Variants in KIAA1328 observed in about 807,000 individuals in gnomAD.
KIAA1328 encodes KIAA1328.
A neutral mutation model predicts 68.1 loss-of-function variants in KIAA1328; 52 were observed. That is an observed-to-expected ratio of 0.76 (90% CI 0.61 to 0.96). The LOEUF is 0.96. Ranked by LOEUF, KIAA1328 falls within the 40% of genes least tolerant of loss-of-function variation. The pLI, the probability that KIAA1328 is intolerant of heterozygous loss-of-function variation, is 0.00. For missense variants in KIAA1328, 641 were observed against 677.6 expected, an observed-to-expected ratio of 0.95 and a Z score of 0.60; for synonymous variants, 232 against 239.4, an observed-to-expected ratio of 0.97 and a Z score of 0.28.
intron 6 of KIAA1328, among the ~76,000 whole-genome samples, chr18:37,021,203 A>G (rs1389747736): frequency 1.3e-5 from 2 of 152,198 alleles, no homozygotes; most frequent in Non-Finnish European, 2.9e-5. Flanking sequence ...ATTTTTCATT[A>G]TGTTTTATGA....
At chr18:37,148,543 AC>A (rs1465394654) in intron 7 of KIAA1328, among the ~76,000 whole-genome samples, 1 of 152,210 alleles carries the variant, frequency 6.6e-6, no homozygotes, top group African/African-American at 2.4e-5. Flanking sequence ...AGGAATCGCC[AC>A]ACTGTCTTCC....
intron 6 of KIAA1328, among the ~76,000 whole-genome samples, chr18:36,975,103 A>C (rs2052407502): frequency 6.6e-6 from 1 of 151,740 alleles, no homozygotes; most frequent in African/African-American, 2.4e-5. Flanking sequence ...TATTATGTTG[A>C]TATCAGTCAC....
intron 8 of KIAA1328, among the ~76,000 whole-genome samples, chr18:37,169,577 A>C (rs192130681): frequency 5.4e-4 from 82 of 152,274 alleles, no homozygotes; most frequent in African/African-American, 1.9e-3. Context: ...ATGAATATGC[A>C]TAACTGTAAT....
chr18:37,091,061 A>G (rs2057253665), intron 7 of KIAA1328, among the ~76,000 whole-genome samples: 2 of 152,184 alleles, frequency 1.3e-5, no homozygotes, highest in African/African-American at 4.8e-5. Flanking sequence ...TAAATAGGCA[A>G]CTCTCAGAAA....
chr18:36,925,379 T>C (rs1159174891), intron 5 of KIAA1328, among the ~76,000 whole-genome samples: 1 of 152,116 alleles, frequency 6.6e-6, no homozygotes, highest in Non-Finnish European at 1.5e-5. Flanking sequence ...AGAATATTGG[T>C]GTTTTGTAGA....
rs1599504304 is a variant in KIAA1328, at chr18:37,173,178, T to C, written c.1523+97T>C. On this transcript the variant is annotated intron_variant, in intron 9 of 9. Transcript: ENST00000280020. ...GGAAGGGAAAAATCTTGACAACTCT[T>C]AGTAATTCTTTCTCAAGAGAGGTCC... The C allele has an allele frequency of 5.7e-6, 5 of 873,214 alleles. No individual in the cohort carries two copies. In the East Asian group the frequency reaches 1.3e-4, roughly 23 times the overall value. The allele number at this position is 873,214 out of a possible 1,614,324, so 54.1% of individuals were successfully genotyped here. A position where few individuals can be genotyped will look rare whatever the true frequency, so the allele number is the denominator to read the frequency against.
At chr18:36,971,173 C>G (rs982073262) in intron 6 of KIAA1328, among the ~76,000 whole-genome samples, 1 of 152,154 alleles carries the variant, frequency 6.6e-6, no homozygotes, top group Non-Finnish European at 1.5e-5. Flanking sequence ...TGATCTTTGA[C>G]AAACCTGACA....
At chr18:36,963,235 G>C (rs1449977541) in intron 6 of KIAA1328, among the ~76,000 whole-genome samples, 1 of 152,286 alleles carries the variant, frequency 6.6e-6, no homozygotes, top group Admixed American at 6.5e-5. Context: ...TTTTAAGGTG[G>C]CTCTTGCCTA....
intron 5 of KIAA1328, among the ~76,000 whole-genome samples, chr18:36,940,385 T>C (rs1172203175): frequency 6.6e-6 from 1 of 152,224 alleles, no homozygotes; most frequent in Non-Finnish European, 1.5e-5. Context: ...ACTTCCTTCC[T>C]GACAGTAAGT....
chr18:36,829,373 G>C, intron 1 of KIAA1328, 177 bp downstream of exon 1: 1 of 1,376,758 alleles, frequency 7.3e-7, no homozygotes, highest in Non-Finnish European at 9.3e-7. Context: ...GTGTTAGGTG[G>C]CCGAGAGACT....
chr18:37,145,321 G>GT (rs2058872674), intron 7 of KIAA1328, among the ~76,000 whole-genome samples: 2 of 151,992 alleles, frequency 1.3e-5, no homozygotes, highest in African/African-American at 2.4e-5. Flanking sequence ...AACATATTCT[G>GT]TAAGTTTTTA....
At chr18:37,093,918 A>G (rs1237655887) in intron 7 of KIAA1328, among the ~76,000 whole-genome samples, 2 of 152,194 alleles carry the variant, frequency 1.3e-5, no homozygotes, top group East Asian at 3.8e-4. Flanking sequence ...ATATAAAGGA[A>G]TCCTCATCAG....
intron 9 of KIAA1328, among the ~76,000 whole-genome samples, chr18:37,189,471 C>T (rs2059863861): frequency 6.6e-6 from 1 of 152,126 alleles, no homozygotes; most frequent in Non-Finnish European, 1.5e-5. Context: ...GTATAGAATT[C>T]AAATTATAAC....
chr18:37,013,528 A>G (rs1300179330), intron 6 of KIAA1328, among the ~76,000 whole-genome samples: 1 of 152,180 alleles, frequency 6.6e-6, no homozygotes. Context: ...CCCAGTGTCT[A>G]TTGTTGCCAT....
At chr18:36,922,985 C>T (rs2094442102) in intron 5 of KIAA1328, among the ~76,000 whole-genome samples, 1 of 151,952 alleles carries the variant, frequency 6.6e-6, no homozygotes, top group Non-Finnish European at 1.5e-5. Flanking sequence ...TATAGTATTC[C>T]TCCATGTCAA....
intron 7 of KIAA1328, among the ~76,000 whole-genome samples, chr18:37,092,437 G>T: frequency 6.6e-6 from 1 of 151,856 alleles, no homozygotes; most frequent in East Asian, 2.0e-4. Flanking sequence ...GTCTTATTCT[G>T]CTTGCAGCTG....
chr18:37,054,542 T>C (rs2055834363), intron 6 of KIAA1328, among the ~76,000 whole-genome samples: 1 of 152,228 alleles, frequency 6.6e-6, no homozygotes, highest in African/African-American at 2.4e-5. Context: ...GCCATTATCC[T>C]ACGCAAATTA....
intron 5 of KIAA1328, among the ~76,000 whole-genome samples, chr18:36,909,867 A>G (rs1357658590): frequency 6.6e-6 from 1 of 152,126 alleles, no homozygotes; most frequent in Non-Finnish European, 1.5e-5. Flanking sequence ...TTTGATTTGC[A>G]TTTCTCTGAT....
intron 4 of KIAA1328, among the ~76,000 whole-genome samples, chr18:36,869,047 CTT>C (rs558505849): frequency 0.15 from 19,585 of 132,092 alleles, 1,517 homozygotes; most frequent in Non-Finnish European, 0.2. Context: ...TTTTTTCTTT[CTT>C]TTTTTTTTTT....
Sources: gnomAD v4.1 joint callset for allele counts (sites outside exome capture counted in the v4.1 genomes callset) on GRCh38, gnomAD v4.1.1 for gene constraint, MANE v1.5 for transcripts, NCBI Gene and HGNC (gene_info 2026-07-23, HGNC 2026-07-21) for gene names.